FHDC1: variants seen among roughly 807,000 people sequenced by gnomAD.
The protein encoded by FHDC1 is FH2 domain containing 1.
Under a neutral mutation model 52.6 loss-of-function variants are expected in FHDC1, and 25 were observed. That is an observed-to-expected ratio of 0.48 (90% CI 0.35 to 0.66). FHDC1 has a LOEUF of 0.66. Among genes scored for constraint, FHDC1 ranks in the 30% least tolerant of loss-of-function variants. FHDC1 has a pLI of 0.01. For missense variants in FHDC1, 1,459 were observed against 1,452.8 expected, an observed-to-expected ratio of 1.00 and a Z score of -0.07; for synonymous variants, 616 against 581.5, an observed-to-expected ratio of 1.06 and a Z score of -0.85.
intron 2 of FHDC1, among the ~76,000 whole-genome samples, chr4:152,949,100 TAATAATAATAATAATAATAATAATAAG>T (rs1488375538): frequency 2.2e-4 from 13 of 57,908 alleles, no homozygotes; most frequent in African/African-American, 8.6e-4. Flanking sequence ...GTAATAATAA[TAATAATAATAATAATAATAATAATAAG>T]AAGAAGAAGA....
intron 1 of FHDC1, among the ~76,000 whole-genome samples, chr4:152,938,103 C>A (rs1213836985): frequency 6.6e-6 from 1 of 152,106 alleles, no homozygotes; most frequent in Non-Finnish European, 1.5e-5. Context: ...GTCTGTGACC[C>A]CCTTCAACTG....
chr4:152,931,041 T>C, the FHDC1 span, among the ~76,000 whole-genome samples: 3 of 150,340 alleles, frequency 2.0e-5, no homozygotes, highest in Non-Finnish European at 3.0e-5. Context: ...TGTTGATTGA[T>C]TAGGTTTGTT....
chr4:152,943,633 A>G, intron 2 of FHDC1, 78 bp downstream of exon 2: 1 of 1,470,540 alleles, frequency 6.8e-7, no homozygotes, highest in Non-Finnish European at 9.2e-7. Flanking sequence ...CATTTCAAAT[A>G]ATTGCTAGAC....
intron 8 of FHDC1, 70 bp from the exon 9 acceptor site, chr4:152,964,835 T>C (rs1740410392): frequency 1.5e-6 from 2 of 1,313,364 alleles, no homozygotes; most frequent in Non-Finnish European, 2.2e-6. Context: ...AAGATTCCTT[T>C]AAGCCCTAAG....
intron 10 of FHDC1, among the ~76,000 whole-genome samples, chr4:152,971,151 C>G (rs952131940): frequency 6.6e-6 from 1 of 152,070 alleles, no homozygotes; most frequent in Admixed American, 6.5e-5. Flanking sequence ...GGGAGGATGG[C>G]GTGAGGCCTT....
chr4:152,963,072 A>T lies in FHDC1; in HGVS notation c.971A>T (p.Lys324Ile), dbSNP rs1740333948. 6.2e-7 allele frequency: 1 copy of T among 1,613,564 alleles called. No homozygotes were observed. Among genetic ancestry groups the T allele is most frequent in the African/African-American group, 1.3e-5 (1 of 74,720 alleles). Reference protein sequence around the residue: ...AVGFKLSSLLKLADTKANKPG... With the variant: ...AVGFKLSSLLILADTKANKPG... ...GGATTTAAACTGTCTTCTTTGCTCA[A>T]ATTGGCAGACACAAAAGCAAACAAA... The change falls in exon 8 of 12, where the codon AAA (lysine) becomes ATA (isoleucine). Residue 324 changes from lysine (K) to isoleucine (I), a missense_variant. Physicochemically the swap from Lys to Ile is moderately radical, Grantham distance 102 (BLOSUM62 -3). This residue lies in a region of FHDC1 where 513 missense variants were observed against 581.5 expected (regional missense o/e 0.88). Transcript: ENST00000511601.
At chr4:152,968,836 G>C (rs749108179) in intron 10 of FHDC1, among the ~76,000 whole-genome samples, 4 of 152,206 alleles carry the variant, frequency 2.6e-5, no homozygotes, top group Admixed American at 6.5e-5. Flanking sequence ...AGATGCCTTA[G>C]AACTTGGGCT....
Position 152,975,301 on chromosome 4 carries a change from T to G in FHDC1, c.2010T>G (p.Ile670Met), listed in dbSNP as rs2149962976. ...SPPLSPLALG[I>M]KEHELVTGLA... ...CTCTCTCGCCATTGGCTCTGGGAAT[T>G]AAGGAGCATGAGCTGGTGACAGGGC... Residue 670 changes from isoleucine to methionine, a missense_variant, in exon 12 of 12, where the codon ATT becomes ATG. This residue lies in a region of FHDC1 where 939 missense variants were observed against 854.5 expected (regional missense o/e 1.10). Coordinates refer to ENST00000511601, the MANE Select transcript of FHDC1 (RefSeq NM_001371116.1). 6.2e-7 allele frequency: 1 copy of G among 1,613,616 alleles called. No homozygotes were observed.
intron 9 of FHDC1, among the ~76,000 whole-genome samples, chr4:152,965,184 A>G (rs565125718): frequency 2.6e-5 from 4 of 152,236 alleles, no homozygotes; most frequent in Admixed American, 2.0e-4. Flanking sequence ...AACTAAAGAA[A>G]CTATTTCAGT....
chr4:152,914,668 C>T, the FHDC1 span, among the ~76,000 whole-genome samples: 1 of 152,178 alleles, frequency 6.6e-6, no homozygotes, highest in Non-Finnish European at 1.5e-5. Flanking sequence ...GTAAGAGGAA[C>T]AGGATACCAT....
At chr4:152,950,327 C>T (rs1739886014) in intron 2 of FHDC1, among the ~76,000 whole-genome samples, 1 of 152,130 alleles carries the variant, frequency 6.6e-6, no homozygotes, top group South Asian at 2.1e-4. Context: ...TTGGAAGGAT[C>T]GAATGCGATA....
At chr4:152,912,186 T>C in the FHDC1 span, 3 of 152,180 alleles carry the variant, frequency 2.0e-5, no homozygotes, top group Admixed American at 6.5e-5. Context: ...ATGATTCTGA[T>C]AGTGGGCACA....
chr4:152,945,082 G>A (rs550142343), intron 2 of FHDC1, among the ~76,000 whole-genome samples: 1 of 152,336 alleles, frequency 6.6e-6, no homozygotes, highest in East Asian at 1.9e-4. Flanking sequence ...TCCCGGGGAG[G>A]CAGCTGTCAG....
upstream of FHDC1, among the ~76,000 whole-genome samples, chr4:152,931,657 T>C (rs1181002501): frequency 6.6e-6 from 1 of 152,162 alleles, no homozygotes; most frequent in African/African-American, 2.4e-5. Flanking sequence ...TCAGGCACTA[T>C]TGTTGACAAA....
intron 8 of FHDC1, 136 bp from the exon 9 acceptor site, chr4:152,964,769 A>T (rs574651235): frequency 5.5e-4 from 359 of 658,574 alleles, no homozygotes; most frequent in Middle Eastern, 9.3e-4. Flanking sequence ...ATCAGAGTTC[A>T]TGTCTCAGTG....
rs138951273 is a variant in FHDC1 at position 152,976,826 on chromosome 4, A to G, written c.*103A>G. ...AGCATGTCTTTGTTACAGATAAAGC[A>G]GCCACTGGTGCCACTGCTAGTGACG... On this transcript the variant is annotated 3_prime_UTR_variant, in exon 12 of 12. Coordinates refer to ENST00000511601, the MANE Select transcript of FHDC1 (RefSeq NM_001371116.1). 34 of 1,386,880 alleles carry G rather than the reference A, an allele frequency of 2.5e-5. 1 individual carries two copies. The highest frequency in any genetic ancestry group is 2.5e-4 in the Middle Eastern group (1 of 4,020). The allele number at this position is 1,386,880 out of a possible 1,614,324, so 85.9% of individuals were successfully genotyped here. A position where few individuals can be genotyped will look rare whatever the true frequency, so the allele number is the denominator to read the frequency against.
At chr4:152,936,478 C>T (rs1382066165) in intron 1 of FHDC1, 69 bp downstream of exon 1, 2 of 152,160 alleles carry the variant, frequency 1.3e-5, no homozygotes, top group Non-Finnish European at 2.9e-5. Context: ...GGAGCCCCGC[C>T]GCTCGGGAGG....
At chr4:152,949,130 G>T (rs56060958) in intron 2 of FHDC1, among the ~76,000 whole-genome samples, 3,216 of 44,576 alleles carry the variant, frequency 0.072, 29 homozygotes, top group Middle Eastern at 0.12. Flanking sequence ...ATAATAAGAA[G>T]AAGAAGAAGA....
chr4:152,915,494 T>C, the FHDC1 span, among the ~76,000 whole-genome samples: 2 of 152,208 alleles, frequency 1.3e-5, no homozygotes, highest in Non-Finnish European at 2.9e-5. Context: ...CAGAAAAATA[T>C]TCAGTGCTTG....
Sources: gnomAD v4.1 joint callset for allele counts (sites outside exome capture counted in the v4.1 genomes callset) on GRCh38, gnomAD v4.1.1 for gene constraint, gnomAD v4.1.1 regional missense constraint, MANE v1.5 for transcripts, NCBI Gene and HGNC (gene_info 2026-07-23, HGNC 2026-07-21) for gene names.